The following MYO9B variants were observed in gnomAD, a reference collection of about 807,000 sequenced individuals.
The protein encoded by MYO9B is myosin IXB.
MYO9B carries 71 observed loss-of-function variants against 229.5 expected under a neutral mutation model. The ratio of observed to expected loss-of-function variants is 0.31; its 90% confidence interval spans 0.26 to 0.38. The LOEUF (loss-of-function observed/expected upper bound fraction) is 0.38. MYO9B is among the 10% of genes least tolerant of loss of function. The pLI is 1.00. For missense variants in MYO9B, 2,255 were observed against 2,920.5 expected (o/e 0.77, Z 5.25); for synonymous variants, 1,185 against 1,235.8 (o/e 0.96, Z 0.86).
rs1469010179 is a variant in MYO9B at position 17,101,475 on chromosome 19, A to AT, written c.-58-183dup. ...AGCCACTGCAGGAGCCTGAGGTCAC[A>AT]TTGAAGGACAGACAGACCCTCACGG... is the stretch of plus-strand genomic sequence containing the variant. On this transcript the variant is annotated intron_variant, in intron 1 of 39. Coordinates refer to ENST00000682292, the MANE Select transcript of MYO9B (RefSeq NM_004145.4). This position sits in a 1 kb window ranked among gnomAD's most constrained non-coding sequence, Gnocchi z 4.7. 6.6e-6 allele frequency among the ~76,000 whole-genome samples: 1 copy of AT among 152,090 alleles called. No individual in the cohort carries two copies. Among genetic ancestry groups the AT allele is most frequent in the Non-Finnish European group, 1.5e-5 (1 of 68,004 alleles).
chr19:17,191,291 G>T, intron 20 of MYO9B, 72 bp downstream of exon 20: 1 of 1,460,332 alleles, frequency 6.8e-7, no homozygotes, highest in South Asian at 1.3e-5. Flanking sequence ...GTCTCCCCAG[G>T]CCCCCAGGGC....
At chr19:17,191,885 A>T (rs1212337452) in intron 20 of MYO9B, among the ~76,000 whole-genome samples, 2 of 152,120 alleles carry the variant, frequency 1.3e-5, no homozygotes, top group East Asian at 3.9e-4. Context: ...CTGAGGCAGG[A>T]GTTTGAGACT....
At chr19:17,137,954 A>T (rs1448990485) in intron 2 of MYO9B, among the ~76,000 whole-genome samples, 3 of 150,720 alleles carry the variant, frequency 2.0e-5, no homozygotes, top group Non-Finnish European at 4.4e-5. Flanking sequence ...CAGAACGTGC[A>T]GTTTCGTTAC....
intron 2 of MYO9B, among the ~76,000 whole-genome samples, chr19:17,115,525 G>C (rs1198704251): frequency 6.9e-6 from 1 of 145,260 alleles, no homozygotes; most frequent in Non-Finnish European, 1.5e-5. Context: ...CTGGAGTTCA[G>C]TGGTGCGATC....
intron 17 of MYO9B, among the ~76,000 whole-genome samples, chr19:17,185,511 A>T (rs988881164): frequency 2.7e-5 from 4 of 150,346 alleles, no homozygotes; most frequent in African/African-American, 9.9e-5. Flanking sequence ...ACGCCATTGC[A>T]CTCCAGCTTG....
At chr19:17,153,026 C>G (rs1489121158) in intron 4 of MYO9B, among the ~76,000 whole-genome samples, 1 of 152,140 alleles carries the variant, frequency 6.6e-6, no homozygotes, top group Non-Finnish European at 1.5e-5. Flanking sequence ...CCTGTAGTCC[C>G]AACTATTCAG....
intron 2 of MYO9B, among the ~76,000 whole-genome samples, chr19:17,124,791 C>T (rs2057999683): frequency 6.7e-6 from 1 of 148,280 alleles, no homozygotes; most frequent in Non-Finnish European, 1.5e-5. Context: ...TACAAACAGA[C>T]CAAAATTGCA....
Position 17,139,098 on chromosome 19 carries a change from A to G in MYO9B, c.841-6299A>G, listed in dbSNP as rs2072306398. Among the ~76,000 whole-genome samples the G allele has an allele frequency of 2.0e-5, 3 of 152,166 alleles. No homozygotes were observed. The South Asian group carries it at 6.2e-4, about 32-fold the overall frequency. ...AGGCTGAGGCAGGAGGATAGCCTGA[A>G]CCTGGGAGGTGGAGGTTGCAGTGAG... On this transcript the variant is annotated intron_variant, in intron 2 of 39. Transcript: ENST00000682292.
intron 20 of MYO9B, among the ~76,000 whole-genome samples, chr19:17,192,043 G>A (rs10412875): frequency 0.53 from 80,411 of 151,002 alleles, 23,212 homozygotes; most frequent in East Asian, 0.74. Context: ...TGCAACCTCC[G>A]TCTCCCAGGT....
At chr19:17,148,151 A>G (rs1216945136) in intron 3 of MYO9B, among the ~76,000 whole-genome samples, 2 of 152,122 alleles carry the variant, frequency 1.3e-5, no homozygotes, top group Non-Finnish European at 2.9e-5. Context: ...ATTTTGACCC[A>G]CAGGAAGCAT....
intron 2 of MYO9B, among the ~76,000 whole-genome samples, chr19:17,111,182 C>T (rs73024368): frequency 0.048 from 7,338 of 152,268 alleles, 247 homozygotes; most frequent in Non-Finnish European, 0.07. Flanking sequence ...TCATCTCATA[C>T]GTCCTCACCA....
chr19:17,114,434 G>T (rs146800103), intron 2 of MYO9B, among the ~76,000 whole-genome samples: 1 of 151,926 alleles, frequency 6.6e-6, no homozygotes, highest in Non-Finnish European at 1.5e-5. Flanking sequence ...GCTCACCCAC[G>T]ATCAGGCATG....
At chr19:17,201,422 G>A (rs1191108334) in intron 26 of MYO9B, among the ~76,000 whole-genome samples, 1 of 152,120 alleles carries the variant, frequency 6.6e-6, no homozygotes, top group East Asian at 1.9e-4. Context: ...GGGCCGATGG[G>A]GACACAGAAG....
In MYO9B at chr19:17,150,084, G is replaced by A. The variant is rs979604034; in HGVS notation, c.936-2560G>A. On this transcript the variant is annotated intron_variant, in intron 3 of 39. Transcript: ENST00000682292. ...GGCCATCAGAAGCCACCTGTGCATC[G>A]TGTGTGTCCCTGTGTGAGCCTGCAG... 3.3e-5 allele frequency among the ~76,000 whole-genome samples: 5 copies of A among 152,180 alleles called. No individual in the cohort carries two copies. The East Asian group carries it at 5.8e-4, about 18-fold the overall frequency.
At chr19:17,128,689 G>A (rs1277817550) in intron 2 of MYO9B, among the ~76,000 whole-genome samples, 1 of 152,244 alleles carries the variant, frequency 6.6e-6, no homozygotes, top group Admixed American at 6.5e-5. Context: ...CCCCAGGTGG[G>A]CGTCACCTAC....
At chr19:17,125,309 C>CCG (rs879861138) in intron 2 of MYO9B, among the ~76,000 whole-genome samples, 2,894 of 120,798 alleles carry the variant, frequency 0.024, 92 homozygotes, top group South Asian at 0.04. Flanking sequence ...CCCCCCCCCC[C>CCG]AAAAAAAGGG....
intron 2 of MYO9B, among the ~76,000 whole-genome samples, chr19:17,128,350 C>T (rs1395346852): frequency 6.6e-6 from 1 of 152,092 alleles, no homozygotes; most frequent in Non-Finnish European, 1.5e-5. Flanking sequence ...AGGATCACAC[C>T]ACTGTACTCT....
intron 10 of MYO9B, among the ~76,000 whole-genome samples, chr19:17,163,484 C>T (rs556209983): frequency 1.3e-5 from 2 of 150,840 alleles, no homozygotes; most frequent in South Asian, 4.2e-4. Flanking sequence ...GATCCTTCCT[C>T]GGCCTCCCGA....
chr19:17,130,231 G>A (rs886912735), intron 2 of MYO9B, among the ~76,000 whole-genome samples: 1 of 152,140 alleles, frequency 6.6e-6, no homozygotes, highest in Non-Finnish European at 1.5e-5. Flanking sequence ...AGCACTTTGG[G>A]AGGCTGAGGC....
Sources: gnomAD v4.1 joint callset for allele counts (sites outside exome capture counted in the v4.1 genomes callset) on GRCh38, gnomAD v4.1.1 for gene constraint, Gnocchi (gnomAD v3.1) non-coding constraint, MANE v1.5 for transcripts, NCBI Gene and HGNC (gene_info 2026-07-23, HGNC 2026-07-21) for gene names.